KCTD13: variants seen among roughly 807,000 people sequenced by gnomAD.
The protein encoded by KCTD13 is BTB/POZ domain-containing adapter for CUL3-mediated RhoA degradation protein 1.
A neutral mutation model predicts 32.3 loss-of-function variants in KCTD13; 15 were observed. That is an observed-to-expected ratio of 0.46 (90% CI 0.31 to 0.71). KCTD13 has a LOEUF of 0.71. Among genes scored for constraint, KCTD13 ranks in the 30% least tolerant of loss-of-function variants. The probability of loss-of-function intolerance (pLI) is 0.05; values close to 1 mark genes in which losing one functional copy is unlikely to be tolerated. For missense variants in KCTD13, 337 were observed against 452.6 expected (o/e 0.74, Z 2.32); for synonymous variants, 189 against 200.1 (o/e 0.94, Z 0.47).
intron 5 of KCTD13, among the ~76,000 whole-genome samples, chr16:29,910,713 C>A (rs1414136419): frequency 6.6e-6 from 1 of 152,132 alleles, no homozygotes; most frequent in Non-Finnish European, 1.5e-5. Context: ...AATGCATACA[C>A]CCCCATTTCA....
At chr16:29,924,204 GAA>G (rs1310343932) in intron 1 of KCTD13, among the ~76,000 whole-genome samples, 1 of 150,884 alleles carries the variant, frequency 6.6e-6, no homozygotes, top group African/African-American at 2.4e-5. Flanking sequence ...GAAAAGAAAA[GAA>G]AAAGGATTCC....
chr16:29,925,449 A>C, intron 1 of KCTD13: 1 of 363,492 alleles, frequency 2.8e-6, no homozygotes, highest in Non-Finnish European at 5.2e-6. Flanking sequence ...TACTGCAGGC[A>C]GCAGGGCTAG....
chr16:29,912,489 G>A (rs1272558093), intron 2 of KCTD13: 1 of 206,544 alleles, frequency 4.8e-6, no homozygotes, highest in African/African-American at 2.4e-5. Context: ...TGCCCAGGCT[G>A]GAGTGCAATG....
chr16:29,924,836 A>G (rs1441861583), intron 1 of KCTD13, among the ~76,000 whole-genome samples: 1 of 149,820 alleles, frequency 6.7e-6, no homozygotes, highest in Non-Finnish European at 1.5e-5. Context: ...CTCCTGTCTC[A>G]GCCTCCCGAG....
chr16:29,926,192 C>T lies in KCTD13; in HGVS notation c.-159G>A, dbSNP rs2068996808. 5 of 832,102 alleles carry T rather than the reference C, an allele frequency of 6.0e-6. No homozygotes were observed. The highest frequency in any genetic ancestry group is 6.7e-6 in the Non-Finnish European group (4 of 593,954). 51.5% of individuals were successfully genotyped at this position (832,102 alleles called of 1,614,324 possible). ...GCAAGACCGGCCCTCCGCCCCATCT[C>T]GCTCGCACCACCCGGAAGCCGGCGC... On this transcript the variant is annotated 5_prime_UTR_variant, in exon 1 of 6. Transcript: ENST00000568000.
chr16:29,911,418 T>TC, intron 4 of KCTD13: 1 of 559,184 alleles, frequency 1.8e-6, no homozygotes. Context: ...CCAGGCCACC[T>TC]CCCCGGGGGT....
chr16:29,913,047 T>C (rs749099679), intron 2 of KCTD13: 2 of 152,130 alleles, frequency 1.3e-5, no homozygotes, highest in Non-Finnish European at 2.9e-5. Flanking sequence ...AAATTCCAGA[T>C]TTGTTTTTTG....
intron 4 of KCTD13, chr16:29,911,567 G>A (rs757082925): frequency 1.2e-5 from 7 of 592,786 alleles, no homozygotes; most frequent in South Asian, 2.0e-5. Context: ...CCTAGAATGA[G>A]AGCACTTGGG....
At chr16:29,918,496 A>T (rs973216320) in intron 2 of KCTD13, among the ~76,000 whole-genome samples, 2 of 152,144 alleles carry the variant, frequency 1.3e-5, no homozygotes, top group African/African-American at 4.8e-5. Flanking sequence ...TTTGAGACAG[A>T]GTCTTGCTCT....
intron 5 of KCTD13, among the ~76,000 whole-genome samples, chr16:29,908,682 C>A (rs367611036): frequency 2.6e-4 from 39 of 147,692 alleles, no homozygotes; most frequent in African/African-American, 8.2e-4. Flanking sequence ...CCATGCCCGG[C>A]CTTTTTTTTT....
At chr16:29,911,203 C>G in intron 4 of KCTD13, 30 bp from the exon 5 acceptor site, 1 of 1,577,426 alleles carries the variant, frequency 6.3e-7, no homozygotes, top group Middle Eastern at 1.7e-4. Flanking sequence ...GAGGCCTCAG[C>G]GCAGTTGGCA....
intron 5 of KCTD13, 76 bp from the exon 6 acceptor site, chr16:29,907,184 T>C (rs2068628920): frequency 9.8e-7 from 1 of 1,018,902 alleles, no homozygotes; most frequent in Admixed American, 2.1e-5. Context: ...CTAGGGCCCC[T>C]GCACCAACAC....
In KCTD13 at chr16:29,912,367, C is replaced by T. The variant is rs964198934; in HGVS notation, c.415-318G>A. On this transcript the variant is annotated intron_variant, in intron 2 of 5. Coordinates refer to ENST00000568000, the MANE Select transcript of KCTD13 (RefSeq NM_178863.5). ...CATTCAGATCGCAGGTCACACAGTG[C>T]CTCCTCAGGGCCAGCCCTCCCCAGC... The T allele has an allele frequency of 8.8e-6, 4 of 453,208 alleles. No homozygotes were observed. The South Asian group carries it at 1.1e-4, about 12-fold the overall frequency. 28.1% of individuals were successfully genotyped at this position (453,208 alleles called of 1,614,324 possible).
At chr16:29,911,785 C>T (rs771423350) in intron 4 of KCTD13, 30 bp downstream of exon 4, 2 of 1,610,988 alleles carry the variant, frequency 1.2e-6, no homozygotes, top group South Asian at 2.2e-5. Context: ...TCCCAGGGTC[C>T]CGCCCAGTGC....
At chr16:29,910,576 C>A (rs976856734) in intron 5 of KCTD13, among the ~76,000 whole-genome samples, 2 of 152,070 alleles carry the variant, frequency 1.3e-5, no homozygotes, top group African/African-American at 4.8e-5. Context: ...CCAGGCTGGT[C>A]TCGAACTCCT....
At chr16:29,914,430 C>CA (rs1020660136) in intron 2 of KCTD13, 3 of 150,792 alleles carry the variant, frequency 2.0e-5, no homozygotes, top group African/African-American at 7.4e-5. Flanking sequence ...TCCTTAAGTG[C>CA]ATTTCTTTTT....
rs947194592 is a variant in KCTD13 at position 29,907,543 on chromosome 16, T to C, written c.754-435A>G. Among the ~76,000 whole-genome samples the C allele has an allele frequency of 2.0e-5, 3 of 152,188 alleles. No individual in the cohort carries two copies. In the East Asian group the frequency reaches 5.8e-4, roughly 29 times the overall value. ...GACTCAGGCCTGTAATCCCAGCACT[T>C]TGGGAGGCCAAGGTGGGAGGACAGC... On this transcript the variant is annotated intron_variant, in intron 5 of 5. Transcript: ENST00000568000.
rs1370472953 is a variant in KCTD13 at position 29,910,969 on chromosome 16, C to T, written c.753+9G>A. 2 of 1,611,774 alleles carry T rather than the reference C, an allele frequency of 1.2e-6. No individual in the cohort carries two copies. Among genetic ancestry groups the T allele is most frequent in the East Asian group, 2.2e-5 (1 of 44,848 alleles). Reference sequence around the variant, plus strand: ...CAGCCCCCAACATAGGCTCTGGAGCCCCTCTGACCTTGGTCTGCTTCTTCT... The same window carrying T: ...CAGCCCCCAACATAGGCTCTGGAGCTCCTCTGACCTTGGTCTGCTTCTTCT... On this transcript the variant is annotated intron_variant, in intron 5 of 5. Coordinates refer to ENST00000568000, the MANE Select transcript of KCTD13 (RefSeq NM_178863.5).
In KCTD13 at chr16:29,925,725, G is replaced by A. The variant is rs915879126; in HGVS notation, c.244+65C>T. On this transcript the variant is annotated intron_variant, in intron 1 of 5. Transcript: ENST00000568000. ...AAGGGGCATGAGGAGCCCCGGTGGT[G>A]AGAGACTGCGGGGAACGGGAGTTGG... 2.8e-5 allele frequency: 42 copies of A among 1,524,042 alleles called. No homozygotes were observed. In the Middle Eastern group the frequency reaches 7.7e-4, roughly 28 times the overall value. 94.4% of individuals were successfully genotyped at this position (1,524,042 alleles called of 1,614,324 possible). A position where few individuals can be genotyped will look rare whatever the true frequency, so the allele number is the denominator to read the frequency against.
Sources: allele counts gnomAD v4.1 joint callset (sites outside exome capture counted in the v4.1 genomes callset), GRCh38; gene constraint gnomAD v4.1.1; transcripts MANE v1.5; gene names NCBI Gene and HGNC (gene_info 2026-07-23, HGNC 2026-07-21).